RBFOX1: variants seen among roughly 807,000 people sequenced by gnomAD.
RBFOX1 encodes the protein RNA binding protein fox-1 homolog 1.
Under a neutral mutation model 57.7 loss-of-function variants are expected in RBFOX1, and 8 were observed. The ratio of observed to expected loss-of-function variants is 0.14; its 90% CI spans 0.08 to 0.25. RBFOX1 has a LOEUF of 0.25. RBFOX1 is among the 10% of genes least tolerant of loss of function. The probability of loss-of-function intolerance (pLI) is 1.00; values close to 1 mark genes in which losing one functional copy is unlikely to be tolerated. For synonymous variants in RBFOX1, 326 were observed against 222.4 expected (o/e 1.47, Z -4.15); for missense variants, 611 against 548.5 (o/e 1.11, Z -1.14).
chr16:7,255,071 A>G (rs1488371973), intron 4 of RBFOX1, among the ~76,000 whole-genome samples: 2 of 152,208 alleles, frequency 1.3e-5, no homozygotes, highest in East Asian at 3.8e-4. Flanking sequence ...TATTCATAAT[A>G]TTAACGTTAG....
chr16:7,510,142 G>A, intron 4 of RBFOX1: 1 of 985,746 alleles, frequency 1.0e-6, no homozygotes, highest in Non-Finnish European at 1.2e-6. Context: ...GGGGAGGTCA[G>A]CCAGGCGGCC....
intron 2 of RBFOX1, among the ~76,000 whole-genome samples, chr16:6,521,242 A>G (rs1050760691): frequency 6.6e-6 from 1 of 152,142 alleles, no homozygotes; most frequent in African/African-American, 2.4e-5. Flanking sequence ...AGGCTGTGCT[A>G]CTGTTGCTCA....
chr16:6,669,818 G>T (rs997033678), intron 3 of RBFOX1, among the ~76,000 whole-genome samples: 1 of 152,146 alleles, frequency 6.6e-6, no homozygotes, highest in African/African-American at 2.4e-5. Flanking sequence ...GAGCACAGTA[G>T]AAAAGCAAAT....
chr16:6,772,237 T>C (rs1458475734), intron 3 of RBFOX1, among the ~76,000 whole-genome samples: 1 of 152,070 alleles, frequency 6.6e-6, no homozygotes, highest in Non-Finnish European at 1.5e-5. Context: ...GTTTTTTTAA[T>C]ATCATATTTT....
intron 4 of RBFOX1, among the ~76,000 whole-genome samples, chr16:7,294,568 A>T (rs1293128142): frequency 6.6e-6 from 1 of 152,028 alleles, no homozygotes; most frequent in South Asian, 2.1e-4. Context: ...TCTTTTGAAA[A>T]GCTTAGGGCA....
chr16:5,681,240 A>ATTTT (rs71404546), intron 3 of RBFOX1, among the ~76,000 whole-genome samples: 2,280 of 134,532 alleles, frequency 0.017, 67 homozygotes, highest in African/African-American at 0.059. Context: ...TGCCTGGCTA[A>ATTTT]TTTTTTTTTT....
At chr16:6,522,682 C>G (rs556862849) in intron 2 of RBFOX1, among the ~76,000 whole-genome samples, 1 of 152,254 alleles carries the variant, frequency 6.6e-6, no homozygotes, top group African/African-American at 2.4e-5. Context: ...TCTTTAGGTA[C>G]AGTACCTAAG....
At chr16:6,741,342 TAAAAGAAAAA>T (rs981951517) in intron 3 of RBFOX1, among the ~76,000 whole-genome samples, 6 of 152,042 alleles carry the variant, frequency 3.9e-5, no homozygotes, top group African/African-American at 1.4e-4. Flanking sequence ...CAAGGGTCTA[TAAAAGAAAAA>T]AATGATAAAT....
intron 4 of RBFOX1, among the ~76,000 whole-genome samples, chr16:7,335,584 GAA>G (rs959362612): frequency 3.2e-3 from 236 of 74,654 alleles, no homozygotes; most frequent in South Asian, 0.021. Context: ...CTCAGATAAA[GAA>G]AAAAAAAAAA....
chr16:7,387,115 T>C (rs1469807625), intron 4 of RBFOX1, among the ~76,000 whole-genome samples: 1 of 152,252 alleles, frequency 6.6e-6, no homozygotes, highest in African/African-American at 2.4e-5. Flanking sequence ...TTGTAGATTC[T>C]GGATATTAGC....
Position 7,705,068 on chromosome 16 carries a change from A to G in RBFOX1, c.996-3988A>G, listed in dbSNP as rs895010253. Among the ~76,000 whole-genome samples the G allele has an allele frequency of 4.7e-4, 70 of 147,906 alleles. 1 individual carries two copies. The highest frequency in any genetic ancestry group is 6.0e-5 in the Non-Finnish European group (4 of 67,104). On this transcript the variant is annotated intron_variant, in intron 14 of 15. Transcript: ENST00000550418. ...CAAAAGAAAAAAAAAAAAAAAAGGC[A>G]GAGAGCCAGAGAAAGAAGCATCTCT...
intron 2 of RBFOX1, among the ~76,000 whole-genome samples, chr16:5,554,673 G>T (rs1416179456): frequency 2.0e-5 from 3 of 152,078 alleles, no homozygotes; most frequent in African/African-American, 4.8e-5. Context: ...CAAATGAATT[G>T]GTTAGTATTG....
At chr16:6,356,044 A>G (rs555820696) in intron 2 of RBFOX1, among the ~76,000 whole-genome samples, 3 of 152,362 alleles carry the variant, frequency 2.0e-5, no homozygotes, top group East Asian at 3.9e-4. Context: ...TAAAATAAAT[A>G]TTCATGAGTC....
At chr16:6,231,655 T>TA (rs780370843) in intron 1 of RBFOX1, among the ~76,000 whole-genome samples, 4 of 152,234 alleles carry the variant, frequency 2.6e-5, no homozygotes, top group African/African-American at 9.6e-5. Flanking sequence ...TGAGGCCACT[T>TA]ACAATCACTG....
intron 4 of RBFOX1, among the ~76,000 whole-genome samples, chr16:5,985,732 A>G (rs2060273457): frequency 6.6e-6 from 1 of 152,118 alleles, no homozygotes; most frequent in African/African-American, 2.4e-5. Context: ...ACCTGGAGGC[A>G]GGCTGCCCCC....
At chr16:5,548,845 G>A (rs1018258205) in intron 2 of RBFOX1, among the ~76,000 whole-genome samples, 3 of 152,170 alleles carry the variant, frequency 2.0e-5, no homozygotes, top group Non-Finnish European at 4.4e-5. Context: ...CATGGATGAA[G>A]TGAGAGAAGG....
chr16:6,842,321 A>T (rs2093520134), intron 3 of RBFOX1, among the ~76,000 whole-genome samples: 1 of 152,126 alleles, frequency 6.6e-6, no homozygotes, highest in African/African-American at 2.4e-5. Flanking sequence ...CTGATCAGAG[A>T]AACAACACAT....
At chr16:5,792,647 A>T (rs997237306) in intron 3 of RBFOX1, among the ~76,000 whole-genome samples, 21 of 152,170 alleles carry the variant, frequency 1.4e-4, no homozygotes, top group African/African-American at 4.3e-4. Flanking sequence ...GTTTGAGACC[A>T]GCCTGGCCAA....
Position 6,478,436 on chromosome 16 carries a change from T to A in RBFOX1, c.-64+161379T>A, listed in dbSNP as rs1180363059. Among the ~76,000 whole-genome samples the A allele has an allele frequency of 2.1e-3, 230 of 107,478 alleles. 1 individual carries two copies. The highest frequency in any genetic ancestry group is 9.8e-3 in the African/African-American group (218 of 22,308). 70.5% of individuals were successfully genotyped at this position (107,478 alleles called of 152,430 possible). ...ATATATATATATATATATATTTTTT[T>A]TTTTTTTTTTTGTATTTTTAGTAGA... is the stretch of plus-strand genomic sequence containing the variant. On this transcript the variant is annotated intron_variant, in intron 2 of 15. Transcript: ENST00000550418.
Sources: allele counts gnomAD v4.1 joint callset (sites outside exome capture counted in the v4.1 genomes callset), GRCh38; gene constraint gnomAD v4.1.1; transcripts MANE v1.5; gene names NCBI Gene and HGNC (gene_info 2026-07-23, HGNC 2026-07-21).